Variants in C19orf18 observed in about 807,000 individuals in gnomAD.
C19orf18 encodes the protein chromosome 19 open reading frame 18.
C19orf18 carries 21 observed loss-of-function variants against 23.3 expected under a neutral mutation model. The observed-to-expected ratio is 0.90, with a 90% CI of 0.64 to 1.30. The LOEUF (loss-of-function observed/expected upper bound fraction) is 1.30. Among genes scored for constraint, C19orf18 ranks in the 50% most tolerant of loss-of-function variants. The pLI is 0.00. For synonymous variants in C19orf18, 96 were observed against 95.2 expected, an observed-to-expected ratio of 1.01 and a Z score of -0.05; for missense variants, 249 against 259.6, an observed-to-expected ratio of 0.96 and a Z score of 0.28.
Position 57,958,723 on chromosome 19 carries a change from A to C in C19orf18, c.533-6T>G. ...GCTTCTTTTTGATATAATAACTAAA[A>C]TGTAGAAATGATGTTATTGAGATAG... On this transcript the variant is annotated splice_polypyrimidine_tract_variant and splice_region_variant and intron_variant, in intron 5 of 5. Coordinates refer to ENST00000314391, the MANE Select transcript of C19orf18 (RefSeq NM_152474.5). The C allele has an allele frequency of 7.0e-7, 1 of 1,434,074 alleles. No individual in the cohort carries two copies. The highest frequency in any genetic ancestry group is 1.9e-5 in the Admixed American group (1 of 51,910). 88.8% of individuals were successfully genotyped at this position (1,434,074 alleles called of 1,614,324 possible).
chr19:57,966,616 T>TAATA lies in C19orf18; in HGVS notation c.284_285insTATT (p.Arg95SerfsTer7). The TAATA allele has an allele frequency of 6.2e-7, 1 of 1,611,516 alleles. No individual in the cohort carries two copies. Among genetic ancestry groups the TAATA allele is most frequent in the Non-Finnish European group, 8.5e-7 (1 of 1,178,008 alleles). On this transcript the variant is annotated frameshift_variant, in exon 4 of 6. Coordinates refer to ENST00000314391, the MANE Select transcript of C19orf18 (RefSeq NM_152474.5). LOFTEE classifies it high-confidence loss of function. ...TTAAAATTACTTTAACAAGAGCAGG[T>TAATA]CTATGCCGAATTATTGCTAAAAAGA...
intron 1 of C19orf18, 41 bp from the exon 2 acceptor site, chr19:57,974,244 C>A: frequency 6.2e-7 from 1 of 1,613,500 alleles, no homozygotes; most frequent in Non-Finnish European, 8.5e-7. Context: ...TAATTACCTT[C>A]TTTTTATCTC....
chr19:57,964,720 A>G (rs1309143680), intron 4 of C19orf18, among the ~76,000 whole-genome samples: 1 of 152,224 alleles, frequency 6.6e-6, no homozygotes, highest in Non-Finnish European at 1.5e-5. Flanking sequence ...GGTGGTCTTA[A>G]CATAGCTGCC....
chr19:57,966,632 G>C lies in C19orf18; in HGVS notation c.269C>G (p.Ala90Gly), dbSNP rs934397149. The C allele has an allele frequency of 1.2e-6, 2 of 1,600,472 alleles. No homozygotes were observed. The highest frequency in any genetic ancestry group is 2.7e-5 in the African/African-American group (2 of 74,600). ...TNPMKFLRNK[A>G]IIRHRPALVK... ...AAGAGCAGGTCTATGCCGAATTATT[G>C]CTAAAAAGAAAGAAAAGAAAAGAAG... The change falls in exon 4 of 6, where the codon GCA becomes GGA. Residue 90 changes from alanine (A) to glycine (G), a missense_variant and splice_region_variant. Coordinates refer to ENST00000314391, the MANE Select transcript of C19orf18 (RefSeq NM_152474.5).
At chr19:57,962,948 A>G (rs988113415) in intron 4 of C19orf18, among the ~76,000 whole-genome samples, 1 of 152,104 alleles carries the variant, frequency 6.6e-6, no homozygotes, top group African/African-American at 2.4e-5. Flanking sequence ...GAGTGACAAA[A>G]GGGAGGTGCT....
At chr19:57,964,309 TC>T (rs2072893796) in intron 4 of C19orf18, among the ~76,000 whole-genome samples, 1 of 152,182 alleles carries the variant, frequency 6.6e-6, no homozygotes, top group South Asian at 2.1e-4. Flanking sequence ...TGAGACATGG[TC>T]TCACTCTGTC....
intron 5 of C19orf18, among the ~76,000 whole-genome samples, chr19:57,959,794 CAAA>C (rs35485603): frequency 2.5e-4 from 25 of 99,282 alleles, no homozygotes; most frequent in Admixed American, 3.4e-4. Flanking sequence ...AACTCTGCCT[CAAA>C]AAAAAAAAAA....
At chr19:57,970,488 ACT>A (rs1344339540) in intron 3 of C19orf18, among the ~76,000 whole-genome samples, 1 of 151,868 alleles carries the variant, frequency 6.6e-6, no homozygotes, top group African/African-American at 2.4e-5. Context: ...GCTCAAATAA[ACT>A]CTGTACTTAA....
chr19:57,961,134 C>T (rs544196798), intron 5 of C19orf18, among the ~76,000 whole-genome samples: 1 of 152,092 alleles, frequency 6.6e-6, no homozygotes, highest in South Asian at 2.1e-4. Context: ...ACTCGGGAGG[C>T]TGAGGCAGGA....
intron 3 of C19orf18, 119 bp from the exon 4 acceptor site, chr19:57,966,751 A>G: frequency 1.5e-6 from 1 of 650,190 alleles, no homozygotes. Context: ...ACTTTCAAAA[A>G]TAGCTTGTTT....
intron 3 of C19orf18, among the ~76,000 whole-genome samples, chr19:57,971,510 G>A (rs2072944470): frequency 6.6e-6 from 1 of 151,956 alleles, no homozygotes; most frequent in Non-Finnish European, 1.5e-5. Flanking sequence ...TCGCTCTGTT[G>A]CCCAGGCTAG....
chr19:57,959,393 A>C lies in C19orf18; in HGVS notation c.533-676T>G, dbSNP rs542362346. 2.5e-3 allele frequency among the ~76,000 whole-genome samples: 386 copies of C among 152,120 alleles called. 1 individual carries two copies. Among genetic ancestry groups the C allele is most frequent in the Middle Eastern group, 0.01 (3 of 294 alleles). On this transcript the variant is annotated intron_variant, in intron 5 of 5. Coordinates refer to ENST00000314391, the MANE Select transcript of C19orf18 (RefSeq NM_152474.5). ...ATCCCAGGACTTTGGGAGGCTGAAC[A>C]GGGCGGATCACTTGAAGTCAAGAGT...
intron 4 of C19orf18, among the ~76,000 whole-genome samples, chr19:57,964,104 G>A (rs1279588904): frequency 1.3e-5 from 2 of 151,886 alleles, no homozygotes; most frequent in Non-Finnish European, 2.9e-5. Flanking sequence ...TTTGGTTTTG[G>A]CCCCAGGCTC....
Position 57,970,576 on chromosome 19 carries a change from T to C in C19orf18, c.268+1887A>G, listed in dbSNP as rs548037845. 5.8e-4 allele frequency among the ~76,000 whole-genome samples: 89 copies of C among 152,222 alleles called. No individual in the cohort carries two copies. In the South Asian group the frequency reaches 8.9e-3, roughly 15 times the overall value. ...TCTTACTATGAGTAAGGTAGACATC[T>C]TTCCATATAATTTTTTTTTTTTTGT... is the stretch of plus-strand genomic sequence containing the variant. On this transcript the variant is annotated intron_variant, in intron 3 of 5. Transcript: ENST00000314391.
chr19:57,966,763 G>T (rs1345272831), intron 3 of C19orf18, 131 bp from the exon 4 acceptor site: 3 of 586,320 alleles, frequency 5.1e-6, no homozygotes, highest in Non-Finnish European at 8.9e-6. Context: ...AGCTTGTTTT[G>T]TTTTTTTTTG....
chr19:57,958,916 T>G (rs542199344), intron 5 of C19orf18, among the ~76,000 whole-genome samples, 199 bp from the exon 6 acceptor site: 5 of 152,300 alleles, frequency 3.3e-5, no homozygotes, highest in Non-Finnish European at 5.9e-5. Flanking sequence ...TGTATTCAAG[T>G]TGTATAAATG....
chr19:57,964,867 A>C (rs972549572), intron 4 of C19orf18, among the ~76,000 whole-genome samples: 2 of 152,146 alleles, frequency 1.3e-5, no homozygotes, highest in Admixed American at 1.3e-4. Flanking sequence ...TAGGAGTCAG[A>C]ATCTGTTGGT....
chr19:57,971,529 G>A (rs182357284), intron 3 of C19orf18, among the ~76,000 whole-genome samples: 20 of 152,110 alleles, frequency 1.3e-4, no homozygotes, highest in East Asian at 9.7e-4. Context: ...AGAGTGCAGC[G>A]ACCCAATCTC....
At chr19:57,963,338 G>A (rs975364308) in intron 4 of C19orf18, among the ~76,000 whole-genome samples, 6 of 151,746 alleles carry the variant, frequency 4.0e-5, no homozygotes, top group African/African-American at 1.2e-4. Flanking sequence ...CCTTAACTCA[G>A]TATTTTTAAA....
Sources: gnomAD v4.1 joint callset for allele counts (sites outside exome capture counted in the v4.1 genomes callset) on GRCh38, gnomAD v4.1.1 for gene constraint, MANE v1.5 for transcripts, NCBI Gene and HGNC (gene_info 2026-07-23, HGNC 2026-07-21) for gene names.